The following HIKESHI variants were observed in gnomAD, a reference collection of about 807,000 sequenced individuals.
HIKESHI encodes heat shock protein nuclear import factor hikeshi.
HIKESHI carries 13 observed loss-of-function variants against 25.7 expected under a neutral mutation model. The observed-to-expected ratio is 0.51, with a 90% CI of 0.33 to 0.80. The LOEUF (loss-of-function observed/expected upper bound fraction) is 0.80, where lower values mean the gene tolerates loss of function less well. Among genes scored for constraint, HIKESHI ranks in the 30% least tolerant of loss-of-function variants. The probability of loss-of-function intolerance (pLI) is 0.02; values close to 1 mark genes in which losing one functional copy is unlikely to be tolerated. For synonymous variants in HIKESHI, 76 were observed against 78.7 expected (o/e 0.97, Z 0.18); for missense variants, 174 against 229.5 (o/e 0.76, Z 1.56).
intron 1 of HIKESHI, 94 bp from the exon 2 acceptor site, chr11:86,306,151 G>A: frequency 2.5e-6 from 2 of 796,872 alleles, no homozygotes; most frequent in Admixed American, 2.2e-5. Flanking sequence ...AGACTATAAT[G>A]GATTATGCTG....
chr11:86,303,283 T>C (rs752676530), intron 1 of HIKESHI: 21 of 380,870 alleles, frequency 5.5e-5, no homozygotes, highest in Non-Finnish European at 6.1e-5. Context: ...TTTTAAAATG[T>C]TGCAGTCCCT....
Position 86,317,761 on chromosome 11 carries a change from C to T in HIKESHI, c.268+11279C>T, listed in dbSNP as rs147344515. 5.2e-3 allele frequency among the ~76,000 whole-genome samples: 794 copies of T among 151,922 alleles called. 8 individuals carry two copies. Among genetic ancestry groups the T allele is most frequent in the African/African-American group, 0.017 (718 of 41,428 alleles). On this transcript the variant is annotated intron_variant, in intron 2 of 4. Transcript: ENST00000278483. ...CAGAGGTTGCAGTGAGCCGACATCA[C>T]GCCACTGTACTCCAGCCTGGGCGAT...
chr11:86,311,211 G>A (rs969066287), intron 2 of HIKESHI, among the ~76,000 whole-genome samples: 3 of 152,058 alleles, frequency 2.0e-5, no homozygotes, highest in Non-Finnish European at 2.9e-5. Context: ...TGCTTGGTAG[G>A]CTATTAATTA....
chr11:86,306,128 C>A, intron 1 of HIKESHI, 117 bp from the exon 2 acceptor site: 1 of 692,062 alleles, frequency 1.4e-6, no homozygotes, highest in Non-Finnish European at 2.5e-6. Context: ...ATTTAACATT[C>A]TATTTGGTAG....
chr11:86,342,862 A>G (rs893660365), intron 3 of HIKESHI, among the ~76,000 whole-genome samples: 1 of 152,130 alleles, frequency 6.6e-6, no homozygotes, highest in Non-Finnish European at 1.5e-5. Context: ...AGTCATCAAA[A>G]TATGTATAGG....
At chr11:86,337,137 G>A (rs941237966) in intron 2 of HIKESHI, among the ~76,000 whole-genome samples, 6 of 152,176 alleles carry the variant, frequency 3.9e-5, no homozygotes, top group Non-Finnish European at 8.8e-5. Flanking sequence ...TCTAGTTGCA[G>A]TAGTTTCAAT....
chr11:86,314,740 A>G (rs555778104), intron 2 of HIKESHI, among the ~76,000 whole-genome samples: 13 of 152,334 alleles, frequency 8.5e-5, no homozygotes, highest in Admixed American at 3.9e-4. Flanking sequence ...AAGTCCCTAT[A>G]GTCCTTCTCA....
intron 1 of HIKESHI, among the ~76,000 whole-genome samples, chr11:86,305,334 T>C (rs1239459741): frequency 6.7e-6 from 1 of 150,316 alleles, no homozygotes. Flanking sequence ...AGAGCTTAGG[T>C]GATGTGTTTT....
intron 1 of HIKESHI, chr11:86,303,617 A>G (rs1346910885): frequency 6.4e-6 from 1 of 156,106 alleles, no homozygotes; most frequent in Non-Finnish European, 1.4e-5. Context: ...TCACGTTGTC[A>G]ACTAATTTGG....
intron 2 of HIKESHI, among the ~76,000 whole-genome samples, chr11:86,320,713 CTG>C (rs1947124539): frequency 6.6e-6 from 1 of 152,198 alleles, no homozygotes; most frequent in South Asian, 2.1e-4. Context: ...ACTTGAGAAA[CTG>C]TCACCACAAT....
intron 2 of HIKESHI, among the ~76,000 whole-genome samples, chr11:86,316,473 C>T (rs910721065): frequency 5.3e-5 from 8 of 151,890 alleles, no homozygotes; most frequent in South Asian, 2.1e-4. Context: ...GACCCCACCA[C>T]GGCACTCCAG....
At chr11:86,336,266 G>C (rs1487510082) in intron 2 of HIKESHI, among the ~76,000 whole-genome samples, 1 of 152,184 alleles carries the variant, frequency 6.6e-6, no homozygotes, top group African/African-American at 2.4e-5. Flanking sequence ...AGTGTAATGA[G>C]AGTAACATAT....
intron 1 of HIKESHI, among the ~76,000 whole-genome samples, chr11:86,304,035 G>C (rs192998167): frequency 1.3e-5 from 2 of 151,304 alleles, no homozygotes; most frequent in East Asian, 1.9e-4. Flanking sequence ...ACTAATACAG[G>C]CCATTTGGTT....
chr11:86,304,995 C>G (rs1289606192), intron 1 of HIKESHI, among the ~76,000 whole-genome samples: 2 of 152,052 alleles, frequency 1.3e-5, no homozygotes, highest in African/African-American at 4.8e-5. Context: ...TTTTAATTAC[C>G]TGAGATTCTT....
At chr11:86,328,773 C>T (rs1051458065) in intron 2 of HIKESHI, among the ~76,000 whole-genome samples, 14 of 151,844 alleles carry the variant, frequency 9.2e-5, no homozygotes, top group African/African-American at 3.1e-4. Context: ...GACAAGGTTT[C>T]ACCATGTTGG....
chr11:86,314,877 C>T (rs1285132168), intron 2 of HIKESHI, among the ~76,000 whole-genome samples: 1 of 152,166 alleles, frequency 6.6e-6, no homozygotes, highest in Non-Finnish European at 1.5e-5. Context: ...CCTGGCAAGA[C>T]AGCAGACCTG....
intron 2 of HIKESHI, among the ~76,000 whole-genome samples, chr11:86,328,767 A>C (rs185959080): frequency 1.8e-3 from 266 of 151,748 alleles, no homozygotes; most frequent in African/African-American, 6.3e-3. Context: ...AGTAGCGACA[A>C]GGTTTCACCA....
intron 3 of HIKESHI, among the ~76,000 whole-genome samples, chr11:86,339,155 C>T (rs1947650167): frequency 6.6e-6 from 1 of 152,182 alleles, no homozygotes; most frequent in Non-Finnish European, 1.5e-5. Context: ...ACGCCATTCT[C>T]CTGCCTCAGC....
rs1946515145 is a variant in HIKESHI, at chr11:86,302,323, T to TGTA, written c.-123_-121dup. On this transcript the variant is annotated 5_prime_UTR_variant, in exon 1 of 5. Coordinates refer to ENST00000278483, the MANE Select transcript of HIKESHI (RefSeq NM_016401.4). ...ATTCTTGCCGCTGGCCCAGTCACTA[T>TGTA]GTAGTGGAGGGGCAGACACCCTCCC... The TGTA allele has an allele frequency of 5.3e-5, 60 of 1,137,396 alleles. No individual in the cohort carries two copies. The South Asian group carries it at 7.7e-4, about 15-fold the overall frequency. 70.5% of individuals were successfully genotyped at this position (1,137,396 alleles called of 1,614,324 possible). A position where few individuals can be genotyped will look rare whatever the true frequency, so the allele number is the denominator to read the frequency against.
Sources: allele counts gnomAD v4.1 joint callset (sites outside exome capture counted in the v4.1 genomes callset), GRCh38; gene constraint gnomAD v4.1.1; transcripts MANE v1.5; gene names NCBI Gene and HGNC (gene_info 2026-07-23, HGNC 2026-07-21).